The following DYNC2I1 variants were observed in gnomAD, a reference collection of about 807,000 sequenced individuals.
DYNC2I1 encodes cytoplasmic dynein 2 intermediate chain 1.
Under a neutral mutation model 133.4 loss-of-function variants are expected in DYNC2I1, and 89 were observed. That is an observed-to-expected ratio of 0.67 (90% CI 0.56 to 0.80). DYNC2I1 has a LOEUF of 0.80. Ranked by LOEUF, DYNC2I1 falls within the 30% of genes least tolerant of loss-of-function variation. The pLI is 0.00. For synonymous variants in DYNC2I1, 504 were observed against 484.3 expected (o/e 1.04, Z -0.54); for missense variants, 1,291 against 1,314.5 (o/e 0.98, Z 0.28).
rs188672903 is a variant in DYNC2I1 at position 158,922,575 on chromosome 7, G to A, written c.2094+26G>A. The A allele has an allele frequency of 5.3e-4, 848 of 1,605,066 alleles. 1 individual carries two copies. Among genetic ancestry groups the A allele is most frequent in the Middle Eastern group, 3.6e-3 (21 of 5,856 alleles). On this transcript the variant is annotated intron_variant, in intron 16 of 24. Coordinates refer to ENST00000407559, the MANE Select transcript of DYNC2I1 (RefSeq NM_018051.5). ...GTACAGCTCAGGATGAGAGTCGCACGTTTGATGGGAGGATGGGCAGTGGAC... is the reference window on the plus strand; with the variant it reads ...GTACAGCTCAGGATGAGAGTCGCACATTTGATGGGAGGATGGGCAGTGGAC...
rs1253877673 is a variant in DYNC2I1 at position 158,911,542 on chromosome 7, T to C, written c.1461-8T>C. 3.7e-6 allele frequency: 6 copies of C among 1,611,004 alleles called. No individual in the cohort carries two copies. In the South Asian group the frequency reaches 6.7e-5, roughly 18 times the overall value. On this transcript the variant is annotated splice_polypyrimidine_tract_variant and splice_region_variant and intron_variant, in intron 11 of 24. Coordinates refer to ENST00000407559, the MANE Select transcript of DYNC2I1 (RefSeq NM_018051.5). Reference sequence around the variant, plus strand: ...TAATTTTTGTCTTGTTTCCAATTTATTTCAAAGGATGCGAAGTACAAAACT... The same window carrying C: ...TAATTTTTGTCTTGTTTCCAATTTACTTCAAAGGATGCGAAGTACAAAACT...
chr7:158,878,153 G>A lies in DYNC2I1; in HGVS notation c.573+1462G>A, dbSNP rs112461176. Among the ~76,000 whole-genome samples the A allele has an allele frequency of 6.8e-3, 1,000 of 147,132 alleles. 8 individuals are homozygous for A. Among genetic ancestry groups the A allele is most frequent in the African/African-American group, 0.024 (945 of 39,120 alleles). On this transcript the variant is annotated intron_variant, in intron 4 of 24. Coordinates refer to ENST00000407559, the MANE Select transcript of DYNC2I1 (RefSeq NM_018051.5). ...GAGGCCAGGAGGGCTGACTGTGAGT[G>A]CTGGGCATCATGTGGGGAGGCGAGG... is the stretch of plus-strand genomic sequence containing the variant.
At chr7:158,950,907 A>G (rs1037839339), downstream of DYNC2I1, among the ~76,000 whole-genome samples, 5 of 151,732 alleles carry the variant, frequency 3.3e-5, no homozygotes, top group African/African-American at 2.4e-5. Flanking sequence ...CAGGTGTTCT[A>G]TATGATTCCA....
intron 1 of DYNC2I1, among the ~76,000 whole-genome samples, chr7:158,860,492 A>G (rs1324229349): frequency 6.6e-6 from 1 of 152,228 alleles, no homozygotes; most frequent in Non-Finnish European, 1.5e-5. Flanking sequence ...ACCAAGTTTC[A>G]GTATGTCGTA....
At chr7:158,856,451 C>G, upstream of DYNC2I1, 1 of 368,258 alleles carries the variant, frequency 2.7e-6, no homozygotes, top group Non-Finnish European at 4.8e-6. Flanking sequence ...GCCGGGGAAG[C>G]GCAGGCGCAT....
At chr7:158,910,574 G>T (rs552786739) in intron 11 of DYNC2I1, among the ~76,000 whole-genome samples, 1 of 151,122 alleles carries the variant, frequency 6.6e-6, no homozygotes, top group East Asian at 2.0e-4. Context: ...TGGGCTGAGG[G>T]TGATTGGAGG....
At chr7:158,901,520 A>G (rs1057189500) in intron 8 of DYNC2I1, among the ~76,000 whole-genome samples, 1 of 152,242 alleles carries the variant, frequency 6.6e-6, no homozygotes, top group Non-Finnish European at 1.5e-5. Flanking sequence ...GAGGTTTCCC[A>G]AAAAGGATGT....
chr7:158,927,055 G>A lies in DYNC2I1; in HGVS notation c.2485+12G>A. 1 of 1,571,766 alleles carries A rather than the reference G, an allele frequency of 6.4e-7. No individual in the cohort carries two copies. The highest frequency in any genetic ancestry group is 8.7e-7 in the Non-Finnish European group (1 of 1,154,564). The stretch of plus-strand genomic sequence containing the variant: ...AATAAGTGATTTAGGTAACTATTAA[G>A]TAAAAAAATTAATTTTAGTGTTTTC... On this transcript the variant is annotated intron_variant, in intron 20 of 24. Coordinates refer to ENST00000407559, the MANE Select transcript of DYNC2I1 (RefSeq NM_018051.5).
intron 8 of DYNC2I1, among the ~76,000 whole-genome samples, chr7:158,891,975 T>C (rs1157878632): frequency 6.6e-6 from 1 of 151,990 alleles, no homozygotes; most frequent in Admixed American, 6.6e-5. Flanking sequence ...CGGAGCTTGA[T>C]GGAGAGCACT....
intron 8 of DYNC2I1, among the ~76,000 whole-genome samples, chr7:158,895,897 T>A (rs576197527): frequency 1.3e-5 from 2 of 152,354 alleles, no homozygotes; most frequent in East Asian, 3.9e-4. Flanking sequence ...TAAGTAATAA[T>A]CTGTTTTTAA....
intron 8 of DYNC2I1, among the ~76,000 whole-genome samples, chr7:158,895,642 C>T (rs766420847): frequency 6.6e-6 from 1 of 152,168 alleles, no homozygotes; most frequent in Non-Finnish European, 1.5e-5. Flanking sequence ...CTACATCTGA[C>T]TTTAGAGTCG....
downstream of DYNC2I1, among the ~76,000 whole-genome samples, chr7:158,958,689 C>G (rs114891581): frequency 2.9e-3 from 441 of 152,352 alleles, 2 homozygotes; most frequent in African/African-American, 1.0e-2. Flanking sequence ...AGACAAAACT[C>G]CTCCTATAAC....
In DYNC2I1 at chr7:158,871,179, A is replaced by C. The variant is rs772477428; in HGVS notation, c.107A>C (p.His36Pro). The change falls in exon 3 of 25, where the codon CAC becomes CCC. Residue 36 changes from histidine (H) to proline (P), a missense_variant. By Grantham distance (77) the His-to-Pro change is moderately conservative (BLOSUM62 -2). Coordinates refer to ENST00000407559, the MANE Select transcript of DYNC2I1 (RefSeq NM_018051.5). ...QSGGSKEERKHREKKLRKESE... is the reference protein window; with the variant it reads ...QSGGSKEERKPREKKLRKESE... ...GGTGGTTCCAAGGAAGAAAGAAAGC[A>C]CAGAGAGAAGAAGCTGCGTAAGGAG... 17 of 1,613,608 alleles carry C rather than the reference A, an allele frequency of 1.1e-5. No individual in the cohort carries two copies.
chr7:158,843,584 T>C, the DYNC2I1 span, among the ~76,000 whole-genome samples: 8 of 151,538 alleles, frequency 5.3e-5, no homozygotes, highest in Non-Finnish European at 1.2e-4. Context: ...TTTGTAGAGA[T>C]GAGGTTTTGC....
chr7:158,918,945 A>G, intron 15 of DYNC2I1, 76 bp downstream of exon 15: 1 of 1,444,608 alleles, frequency 6.9e-7, no homozygotes, highest in Non-Finnish European at 9.3e-7. Context: ...CTGTAGTATA[A>G]TATTTTATTT....
At chr7:158,937,486 C>A (rs928907027) in intron 23 of DYNC2I1, among the ~76,000 whole-genome samples, 1 of 151,984 alleles carries the variant, frequency 6.6e-6, no homozygotes, top group Non-Finnish European at 1.5e-5. Context: ...ATTAGCCTGG[C>A]GTGGTGGCGG....
At chr7:158,841,933 T>C in the DYNC2I1 span, among the ~76,000 whole-genome samples, 1 of 152,226 alleles carries the variant, frequency 6.6e-6, no homozygotes, top group Non-Finnish European at 1.5e-5. Flanking sequence ...AGCTTGTGAC[T>C]GCCGGTGGAA....
chr7:158,919,209 A>G (rs771620337), intron 15 of DYNC2I1, among the ~76,000 whole-genome samples: 219 of 152,246 alleles, frequency 1.4e-3, no homozygotes, highest in Non-Finnish European at 2.6e-3. Context: ...TTCTTGAGAT[A>G]GAGTAGTAGA....
chr7:158,840,279 G>T, the DYNC2I1 span, among the ~76,000 whole-genome samples: 1 of 151,938 alleles, frequency 6.6e-6, no homozygotes, highest in Non-Finnish European at 1.5e-5. Flanking sequence ...AAGAAAAAAT[G>T]GTTTTGGCCG....
Sources: allele counts gnomAD v4.1 joint callset (sites outside exome capture counted in the v4.1 genomes callset), GRCh38; gene constraint gnomAD v4.1.1; transcripts MANE v1.5; gene names NCBI Gene and HGNC (gene_info 2026-07-23, HGNC 2026-07-21).